STK31: variants seen among roughly 807,000 people sequenced by gnomAD.
The protein encoded by STK31 is serine/threonine-protein kinase 31.
STK31 carries 89 observed loss-of-function variants against 129.7 expected under a neutral mutation model. The observed-to-expected ratio is 0.69, with a 90% confidence interval of 0.58 to 0.82. The LOEUF (loss-of-function observed/expected upper bound fraction) is 0.82, where lower values mean the gene tolerates loss of function less well. Ranked by LOEUF, STK31 falls within the 40% of genes least tolerant of loss-of-function variation. The probability of loss-of-function intolerance (pLI) is 0.00; values close to 1 mark genes in which losing one functional copy is unlikely to be tolerated. For missense variants in STK31, 1,187 were observed against 1,176.4 expected (o/e 1.01, Z -0.13); for synonymous variants, 448 against 395.3 (o/e 1.13, Z -1.58).
intron 4 of STK31, chr7:23,721,207 G>T: frequency 2.9e-6 from 1 of 339,644 alleles, no homozygotes; most frequent in Non-Finnish European, 5.4e-6. Flanking sequence ...ACTATAATTC[G>T]CTCTGATGAA....
At chr7:23,806,877 G>T (rs1333718800) in intron 22 of STK31, among the ~76,000 whole-genome samples, 3 of 144,044 alleles carry the variant, frequency 2.1e-5, no homozygotes, top group Non-Finnish European at 4.5e-5. Context: ...TCCAGCCTGG[G>T]TGACAGAGCA....
rs547314687 is a variant in STK31 at position 23,820,951 on chromosome 7, G to A, written c.2829+5739G>A. ...CCATTTGTCCATTGATGGACGCTTA[G>A]GTTGGAGTCCTTACCTTTGTAATTG... On this transcript the variant is annotated intron_variant, in intron 23 of 23. Transcript: ENST00000355870. Among the ~76,000 whole-genome samples the A allele has an allele frequency of 2.0e-5, 3 of 152,316 alleles. No individual in the cohort carries two copies. The East Asian group carries it at 5.8e-4, about 29-fold the overall frequency.
intron 22 of STK31, among the ~76,000 whole-genome samples, chr7:23,813,975 T>A (rs989153699): frequency 1.3e-5 from 2 of 151,938 alleles, no homozygotes; most frequent in African/African-American, 4.8e-5. Flanking sequence ...GGTGAATGCT[T>A]CCCCTGGCTG....
intron 8 of STK31, among the ~76,000 whole-genome samples, chr7:23,745,856 T>C (rs1788319223): frequency 6.6e-6 from 1 of 152,196 alleles, no homozygotes; most frequent in South Asian, 2.1e-4. Context: ...GTAGAGTGGC[T>C]GCCAGTGGCT....
chr7:23,744,749 G>A (rs541176915), intron 8 of STK31, among the ~76,000 whole-genome samples: 4 of 152,322 alleles, frequency 2.6e-5, no homozygotes, highest in African/African-American at 7.2e-5. Flanking sequence ...ATGGCTTAGG[G>A]TGTGGTTGTT....
chr7:23,712,065 GATT>G (rs771624296), intron 1 of STK31, 31 bp from the exon 2 acceptor site: 2 of 1,529,420 alleles, frequency 1.3e-6, no homozygotes, highest in South Asian at 2.3e-5. Context: ...ATTAATGGTG[GATT>G]ATTGTAATCT....
At chr7:23,750,128 T>TATTTACTGGGAG (rs1447496313) in intron 8 of STK31, among the ~76,000 whole-genome samples, 1 of 143,770 alleles carries the variant, frequency 7.0e-6, no homozygotes, top group African/African-American at 2.6e-5. Flanking sequence ...TATGATACTG[T>TATTTACTGGGAG]ATTTACTGTG....
chr7:23,832,273 C>T lies in STK31; in HGVS notation c.2967C>T (p.Tyr989=), dbSNP rs534538222. The change falls in exon 24 of 24, where the codon TAC becomes TAT. Residue 989 remains tyrosine (Y), a synonymous_variant. Transcript: ENST00000355870. ...SVPNPEKDTE[Y]TLYKKEEEIK... is the part of the protein sequence containing the mutation. ...CAAACCCAGAAAAAGATACTGAATA[C>T]ACCCTATATAAAAAGGAAGAAGAAA... 6 of 1,613,776 alleles carry T rather than the reference C, an allele frequency of 3.7e-6. No individual in the cohort carries two copies. In the East Asian group the frequency reaches 6.7e-5, roughly 18 times the overall value.
At chr7:23,716,588 A>G (rs1227732573) in intron 3 of STK31, among the ~76,000 whole-genome samples, 2 of 152,132 alleles carry the variant, frequency 1.3e-5, no homozygotes, top group Non-Finnish European at 2.9e-5. Flanking sequence ...ATTCTTCTGT[A>G]AGGAAGAGCT....
At chr7:23,716,779 C>T (rs915416585) in intron 3 of STK31, among the ~76,000 whole-genome samples, 1 of 142,966 alleles carries the variant, frequency 7.0e-6, no homozygotes, top group Admixed American at 7.3e-5. Context: ...TAAACGTCTC[C>T]TATTCTTTTT....
At chr7:23,742,050 G>A (rs997403595) in intron 8 of STK31, among the ~76,000 whole-genome samples, 2 of 152,226 alleles carry the variant, frequency 1.3e-5, no homozygotes, top group African/African-American at 4.8e-5. Context: ...CAGTTTCACA[G>A]CAGCCCATTG....
At chr7:23,787,759 C>G (rs933245542) in intron 20 of STK31, among the ~76,000 whole-genome samples, 1 of 151,120 alleles carries the variant, frequency 6.6e-6, no homozygotes, top group African/African-American at 2.4e-5. Context: ...CACACACACA[C>G]ACACACACAC....
At chr7:23,818,431 CACA>C (rs1793591026) in intron 23 of STK31, among the ~76,000 whole-genome samples, 1 of 152,044 alleles carries the variant, frequency 6.6e-6, no homozygotes, top group Non-Finnish European at 1.5e-5. Context: ...GTTTGATTGT[CACA>C]GTAAGATTGA....
At chr7:23,822,965 A>G (rs1363505965) in intron 23 of STK31, among the ~76,000 whole-genome samples, 1 of 152,096 alleles carries the variant, frequency 6.6e-6, no homozygotes, top group Non-Finnish European at 1.5e-5. Context: ...CATGGTGTAT[A>G]TGTGCCACAT....
intron 4 of STK31, among the ~76,000 whole-genome samples, chr7:23,718,326 CT>C (rs1786477592): frequency 6.6e-6 from 1 of 152,038 alleles, no homozygotes; most frequent in African/African-American, 2.4e-5. Context: ...AGCAATTTGG[CT>C]TTTTTCTTTT....
chr7:23,710,661 C>T (rs541432518), intron 1 of STK31: 1 of 1,143,944 alleles, frequency 8.7e-7, no homozygotes, highest in Non-Finnish European at 1.1e-6. Context: ...CAGAGAGCTA[C>T]GTGTACCCGT....
intron 6 of STK31, among the ~76,000 whole-genome samples, chr7:23,735,184 T>A (rs1787646990): frequency 6.6e-6 from 1 of 152,204 alleles, no homozygotes; most frequent in South Asian, 2.1e-4. Flanking sequence ...TATCAGAGAT[T>A]CATTTTTATG....
chr7:23,817,313 T>A (rs1793532784), intron 23 of STK31, among the ~76,000 whole-genome samples: 1 of 152,154 alleles, frequency 6.6e-6, no homozygotes, highest in African/African-American at 2.4e-5. Flanking sequence ...TTAATGTGGG[T>A]AGCTACTCAT....
At chr7:23,804,298 A>G (rs1191773409) in intron 22 of STK31, among the ~76,000 whole-genome samples, 7 of 151,904 alleles carry the variant, frequency 4.6e-5, no homozygotes, top group Admixed American at 4.6e-4. Context: ...TTCTGTTACC[A>G]TATTATACAC....
Sources: gnomAD v4.1 joint callset for allele counts (sites outside exome capture counted in the v4.1 genomes callset) on GRCh38, gnomAD v4.1.1 for gene constraint, MANE v1.5 for transcripts, NCBI Gene and HGNC (gene_info 2026-07-23, HGNC 2026-07-21) for gene names.